TAFA4: variants seen among roughly 807,000 people sequenced by gnomAD.
The protein encoded by TAFA4 is TAFA chemokine like family member 4.
TAFA4 carries 20 observed loss-of-function variants against 21.1 expected under a neutral mutation model. The observed-to-expected ratio is 0.95, with a 90% CI of 0.67 to 1.38. The LOEUF is 1.38. Ranked by LOEUF, TAFA4 falls within the 40% of genes most tolerant of loss-of-function variation. The pLI, the probability that TAFA4 is intolerant of heterozygous loss-of-function variation, is 0.00. For synonymous variants in TAFA4, 71 were observed against 67.4 expected, an observed-to-expected ratio of 1.05 and a Z score of -0.26; for missense variants, 211 against 180.9, an observed-to-expected ratio of 1.17 and a Z score of -0.95.
chr3:68,925,295 C>G (rs538390000), intron 1 of TAFA4, among the ~76,000 whole-genome samples: 26 of 152,264 alleles, frequency 1.7e-4, no homozygotes, highest in African/African-American at 6.0e-4. Flanking sequence ...AGCCGAGTTG[C>G]ATAATCAGTT....
intron 3 of TAFA4, among the ~76,000 whole-genome samples, chr3:68,757,041 C>G (rs1240512738): frequency 1.3e-5 from 2 of 152,244 alleles, no homozygotes; most frequent in South Asian, 2.1e-4. Context: ...ACAGTTACCT[C>G]TCAGGAAATG....
intron 3 of TAFA4, among the ~76,000 whole-genome samples, chr3:68,868,302 G>A (rs1474295300): frequency 1.3e-5 from 2 of 151,908 alleles, no homozygotes. Flanking sequence ...TATAACAACT[G>A]TAAATATATA....
chr3:68,908,837 C>A (rs541793223), intron 1 of TAFA4, among the ~76,000 whole-genome samples: 52 of 152,320 alleles, frequency 3.4e-4, no homozygotes, highest in African/African-American at 1.3e-3. Context: ...TCAACAATAT[C>A]CTATTTTTCA....
At chr3:68,746,236 C>T (rs999011177) in intron 4 of TAFA4, among the ~76,000 whole-genome samples, 3 of 152,096 alleles carry the variant, frequency 2.0e-5, no homozygotes, top group African/African-American at 7.2e-5. Context: ...GGACTGGCTT[C>T]CCGGCTCCTC....
rs555313928 is a variant in TAFA4 at position 68,909,837 on chromosome 3, G to C, written c.-123+22403C>G. On this transcript the variant is annotated intron_variant, in intron 1 of 5. Transcript: ENST00000295569. ...TTCTTTGGGTCGGAAGCCTGCGTGT[G>C]GCTTATCTAGATGCTTTGTTTAGGG... Among the ~76,000 whole-genome samples, 3 of 152,280 alleles carry C rather than the reference G, an allele frequency of 2.0e-5. No individual in the cohort carries two copies. In the South Asian group the frequency reaches 6.2e-4, roughly 32 times the overall value.
intron 3 of TAFA4, among the ~76,000 whole-genome samples, chr3:68,823,112 G>C (rs1190256189): frequency 6.6e-6 from 1 of 152,092 alleles, no homozygotes; most frequent in Admixed American, 6.6e-5. Context: ...ATTTCTGGTG[G>C]TCTTTTCACA....
intron 3 of TAFA4, among the ~76,000 whole-genome samples, chr3:68,844,984 T>G (rs1355329290): frequency 6.6e-6 from 1 of 152,212 alleles, no homozygotes; most frequent in Non-Finnish European, 1.5e-5. Flanking sequence ...CTGAGAAGAA[T>G]GTGTATTCTG....
At chr3:68,810,949 G>A (rs1367953789) in intron 3 of TAFA4, among the ~76,000 whole-genome samples, 8 of 152,110 alleles carry the variant, frequency 5.3e-5, no homozygotes, top group South Asian at 4.1e-4. Flanking sequence ...CACCTCACAC[G>A]GCCAGGTACT....
chr3:68,857,362 CAT>C (rs1385268613), intron 3 of TAFA4, among the ~76,000 whole-genome samples: 1 of 151,964 alleles, frequency 6.6e-6, no homozygotes, highest in Non-Finnish European at 1.5e-5. Context: ...GCACTGCAAA[CAT>C]AGAAAAACAA....
intron 3 of TAFA4, among the ~76,000 whole-genome samples, chr3:68,803,363 T>G (rs1703617134): frequency 6.6e-6 from 1 of 152,178 alleles, no homozygotes; most frequent in African/African-American, 2.4e-5. Context: ...TTGATTTGAT[T>G]GGTGAAATGA....
chr3:68,875,294 T>A (rs2089533722), intron 3 of TAFA4, among the ~76,000 whole-genome samples: 1 of 151,860 alleles, frequency 6.6e-6, no homozygotes. Flanking sequence ...GAGTAATCAA[T>A]AGTACGGTTG....
chr3:68,892,549 A>G (rs1411355461), intron 1 of TAFA4, among the ~76,000 whole-genome samples: 4 of 152,212 alleles, frequency 2.6e-5, no homozygotes, highest in African/African-American at 9.6e-5. Context: ...TACATGTAAC[A>G]AAACTGTACA....
intron 3 of TAFA4, among the ~76,000 whole-genome samples, chr3:68,809,946 A>T (rs1703796213): frequency 6.6e-6 from 1 of 152,184 alleles, no homozygotes; most frequent in South Asian, 2.1e-4. Flanking sequence ...CGCCAGTACC[A>T]GGTTGTTTAA....
At position 68,752,885 on chromosome 3, in the gene TAFA4, C is replaced by G. The variant is rs1222682728; in HGVS notation, c.264G>C (p.Arg88=). ...TACCTTCAACACAAGAAGGTTGAGC[C>G]CGAGTTGTGCCCGCCACCTGTCCCG... is the stretch of plus-strand genomic sequence containing the variant. The part of the protein sequence containing the change: ...CFPGQVAGTT[R]AQPSCVEASI... The change falls in exon 4 of 6, where the codon CGG becomes CGC. Residue 88 remains arginine, a synonymous_variant. Transcript: ENST00000295569. The G allele has an allele frequency of 3.7e-6, 6 of 1,613,852 alleles. No individual in the cohort carries two copies. The highest frequency in any genetic ancestry group is 4.2e-6 in the Non-Finnish European group (5 of 1,180,000).
At chr3:68,930,805 C>T (rs1402401484) in intron 1 of TAFA4, among the ~76,000 whole-genome samples, 5 of 152,200 alleles carry the variant, frequency 3.3e-5, no homozygotes, top group Non-Finnish European at 7.3e-5. Context: ...ATTCTTCTCA[C>T]TATAAAACCC....
intron 3 of TAFA4, among the ~76,000 whole-genome samples, chr3:68,834,808 C>T (rs1028417860): frequency 6.6e-6 from 1 of 152,184 alleles, no homozygotes; most frequent in African/African-American, 2.4e-5. Flanking sequence ...ACAGTCTACT[C>T]CATTCTTACT....
At chr3:68,778,208 A>G (rs1703083692) in intron 3 of TAFA4, among the ~76,000 whole-genome samples, 1 of 152,182 alleles carries the variant, frequency 6.6e-6, no homozygotes, top group African/African-American at 2.4e-5. Context: ...AAAAATATAT[A>G]CCATGCAATC....
intron 3 of TAFA4, among the ~76,000 whole-genome samples, chr3:68,848,715 C>A (rs1209169523): frequency 2.0e-5 from 3 of 152,164 alleles, no homozygotes; most frequent in African/African-American, 7.2e-5. Flanking sequence ...CTGTTGCCAA[C>A]TCCAGAGAGC....
At chr3:68,839,374 T>C (rs183042267) in intron 3 of TAFA4, among the ~76,000 whole-genome samples, 8 of 152,328 alleles carry the variant, frequency 5.3e-5, no homozygotes, top group Non-Finnish European at 1.0e-4. Flanking sequence ...ATATGGGGAA[T>C]AGTGTTAACA....
Sources: allele counts gnomAD v4.1 joint callset (sites outside exome capture counted in the v4.1 genomes callset), GRCh38; gene constraint gnomAD v4.1.1; transcripts MANE v1.5; gene names NCBI Gene and HGNC (gene_info 2026-07-23, HGNC 2026-07-21).